The following CSTPP1 variants were observed in gnomAD, a reference collection of about 807,000 sequenced individuals.
The protein encoded by CSTPP1 is centriolar satellite-associated tubulin polyglutamylase complex regulator 1, also known as UPF0705 protein C11orf49.
the CSTPP1 span, among the ~76,000 whole-genome samples, chr11:47,036,192 A>ATATATGAT: frequency 1.8e-5 from 1 of 54,782 alleles, no homozygotes; most frequent in African/African-American, 5.7e-5. Context: ...ATATATTTAT[A>ATATATGAT]TTATATATTA....
chr11:46,964,544 C>T, the CSTPP1 span, among the ~76,000 whole-genome samples: 1 of 152,322 alleles, frequency 6.6e-6, no homozygotes, highest in Non-Finnish European at 1.5e-5. Flanking sequence ...CTCGGCCCCC[C>T]AGAGTGCTGG....
At chr11:47,101,643 C>T in the CSTPP1 span, among the ~76,000 whole-genome samples, 1 of 151,974 alleles carries the variant, frequency 6.6e-6, no homozygotes, top group Non-Finnish European at 1.5e-5. Flanking sequence ...GCATTCTTTG[C>T]TGCCACCTAA....
At chr11:46,944,918 T>C in the CSTPP1 span, among the ~76,000 whole-genome samples, 8 of 152,346 alleles carry the variant, frequency 5.3e-5, no homozygotes, top group South Asian at 2.1e-4. Context: ...GTTACTGATA[T>C]AGTCTCTTCC....
At chr11:47,015,921 A>T in the CSTPP1 span, among the ~76,000 whole-genome samples, 5 of 152,196 alleles carry the variant, frequency 3.3e-5, no homozygotes, top group African/African-American at 4.8e-5. Flanking sequence ...GAGAAAAAGC[A>T]TTTTATAAAA....
At chr11:47,128,950 T>C in the CSTPP1 span, among the ~76,000 whole-genome samples, 1 of 152,224 alleles carries the variant, frequency 6.6e-6, no homozygotes, top group East Asian at 1.9e-4. Flanking sequence ...TTTAAAATTC[T>C]GCCTCTTTTT....
At chr11:47,001,235 C>T in the CSTPP1 span, among the ~76,000 whole-genome samples, 1 of 152,128 alleles carries the variant, frequency 6.6e-6, no homozygotes, top group Non-Finnish European at 1.5e-5. Context: ...TCTTAGGACC[C>T]CCTCATGGGT....
chr11:47,051,300 G>T, the CSTPP1 span, among the ~76,000 whole-genome samples: 1 of 152,262 alleles, frequency 6.6e-6, no homozygotes, highest in African/African-American at 2.4e-5. Flanking sequence ...ATGATTACTG[G>T]ATAATTGCCT....
the CSTPP1 span, among the ~76,000 whole-genome samples, chr11:47,153,972 C>G: frequency 6.6e-6 from 1 of 151,966 alleles, no homozygotes; most frequent in East Asian, 1.9e-4. Context: ...CAGGGTCTCT[C>G]TCTGTCTCAC....
the CSTPP1 span, among the ~76,000 whole-genome samples, chr11:47,138,307 G>A: frequency 2.6e-5 from 4 of 152,066 alleles, no homozygotes; most frequent in African/African-American, 9.7e-5. Flanking sequence ...GAACAGCATG[G>A]GGGAAACTGC....
the CSTPP1 span, chr11:47,161,779 G>A: frequency 7.0e-7 from 1 of 1,420,550 alleles, no homozygotes; most frequent in Non-Finnish European, 9.2e-7. Flanking sequence ...AGACCAGCCA[G>A]AGGGGCTCTG....
At chr11:46,990,682 C>G in the CSTPP1 span, among the ~76,000 whole-genome samples, 14 of 152,188 alleles carry the variant, frequency 9.2e-5, no homozygotes, top group African/African-American at 3.4e-4. Context: ...CTTTTGGGGA[C>G]TTGGCCAAGA....
the CSTPP1 span, among the ~76,000 whole-genome samples, chr11:46,995,193 G>T: frequency 1.3e-5 from 2 of 152,000 alleles, no homozygotes; most frequent in African/African-American, 2.4e-5. Flanking sequence ...CTTGCTAGTG[G>T]TCTATCAATT....
the CSTPP1 span, among the ~76,000 whole-genome samples, chr11:46,979,023 A>G: frequency 6.6e-6 from 1 of 152,178 alleles, no homozygotes; most frequent in Non-Finnish European, 1.5e-5. Context: ...TAATATCACT[A>G]TTCTGTATAT....
At chr11:47,133,848 G>T in the CSTPP1 span, among the ~76,000 whole-genome samples, 1 of 152,164 alleles carries the variant, frequency 6.6e-6, no homozygotes, top group Non-Finnish European at 1.5e-5. Flanking sequence ...CTGAGTTTTT[G>T]TGTCTGTGAA....
chr11:47,004,483 T>C, the CSTPP1 span: 1 of 152,194 alleles, frequency 6.6e-6, no homozygotes, highest in East Asian at 1.9e-4. Context: ...CTGGCCTCTC[T>C]TACTTTCTAT....
chr11:47,119,877 C>T, the CSTPP1 span, among the ~76,000 whole-genome samples: 1 of 152,162 alleles, frequency 6.6e-6, no homozygotes, highest in African/African-American at 2.4e-5. Context: ...TCCCAAAGTG[C>T]TGGGATTACA....
the CSTPP1 span, among the ~76,000 whole-genome samples, chr11:47,133,285 C>A: frequency 2.0e-5 from 3 of 152,240 alleles, no homozygotes; most frequent in African/African-American, 7.2e-5. Context: ...AGCAGTCTGA[C>A]CACCCACAAA....
the CSTPP1 span, among the ~76,000 whole-genome samples, chr11:46,979,888 G>A: frequency 3.9e-5 from 6 of 152,148 alleles, no homozygotes; most frequent in South Asian, 2.1e-4. Flanking sequence ...ACTCCAGCCT[G>A]GGTGACAACA....
the CSTPP1 span, among the ~76,000 whole-genome samples, chr11:46,946,489 T>C: frequency 6.6e-6 from 1 of 152,136 alleles, no homozygotes; most frequent in African/African-American, 2.4e-5. Flanking sequence ...AAACCCTGTC[T>C]CTACTAAAAA....
Sources: gnomAD v4.1 joint callset for allele counts (sites outside exome capture counted in the v4.1 genomes callset) on GRCh38, gnomAD v4.1.1 for gene constraint, MANE v1.5 for transcripts, NCBI Gene and HGNC (gene_info 2026-07-23, HGNC 2026-07-21) for gene names.